Variants in COPS2 observed in about 807,000 individuals in gnomAD.
COPS2 encodes the protein COP9 signalosome complex subunit 2.
Under a neutral mutation model 66.1 loss-of-function variants are expected in COPS2, and 10 were observed. That is an observed-to-expected ratio of 0.15 (90% CI 0.09 to 0.26). The LOEUF is 0.26. Ranked by LOEUF, COPS2 falls within the 10% of genes least tolerant of loss-of-function variation. The probability of loss-of-function intolerance (pLI) is 1.00; values close to 1 mark genes in which losing one functional copy is unlikely to be tolerated. For synonymous variants in COPS2, 179 were observed against 171.3 expected (o/e 1.04, Z -0.35); for missense variants, 215 against 513.3 (o/e 0.42, Z 5.62).
intron 3 of COPS2, 61 bp from the exon 4 acceptor site, chr15:49,139,714 G>A: frequency 7.8e-7 from 1 of 1,278,172 alleles, no homozygotes; most frequent in Non-Finnish European, 1.1e-6. Flanking sequence ...ATGTACACAT[G>A]ATTAAGGTTA....
intron 4 of COPS2, chr15:49,137,907 T>C (rs2084265178): frequency 1.3e-5 from 2 of 155,856 alleles, no homozygotes; most frequent in Non-Finnish European, 2.8e-5. Flanking sequence ...TACATAGAAC[T>C]AGTTGTATTA....
chr15:49,137,075 A>G (rs2084258280), intron 6 of COPS2, 75 bp downstream of exon 6: 6 of 886,204 alleles, frequency 6.8e-6, no homozygotes, highest in Non-Finnish European at 1.0e-5. Flanking sequence ...CCTAAACAAT[A>G]TTTTGAATAT....
At chr15:49,154,158 TG>T (rs1302976640) in intron 1 of COPS2, among the ~76,000 whole-genome samples, 1 of 151,984 alleles carries the variant, frequency 6.6e-6, no homozygotes, top group Non-Finnish European at 1.5e-5. Context: ...CAAAATACTA[TG>T]AATCAATTAA....
intron 4 of COPS2, among the ~76,000 whole-genome samples, chr15:49,138,529 T>C (rs1218022199): frequency 2.0e-5 from 3 of 152,200 alleles, no homozygotes; most frequent in Non-Finnish European, 1.5e-5. Context: ...ACAAAATATG[T>C]TTTGATGACA....
intron 9 of COPS2, among the ~76,000 whole-genome samples, chr15:49,131,599 A>G (rs955210091): frequency 5.9e-5 from 9 of 152,062 alleles, no homozygotes; most frequent in African/African-American, 1.7e-4. Context: ...ATGTAACCTC[A>G]TATTAGGGGC....
chr15:49,135,070 A>T (rs185455592), intron 6 of COPS2, among the ~76,000 whole-genome samples: 2 of 152,322 alleles, frequency 1.3e-5, no homozygotes, highest in Admixed American at 1.3e-4. Context: ...ACAATAACTG[A>T]TCATAAAATA....
Position 49,124,423 on chromosome 15 carries a change from A to C in COPS2, c.*3527T>G, listed in dbSNP as rs1400845729. On this transcript the variant is annotated 3_prime_UTR_variant, in exon 13 of 13. Coordinates refer to ENST00000388901, the MANE Select transcript of COPS2 (RefSeq NM_004236.4). Reference sequence around the variant, plus strand: ...AAAAAAACCGTATCAAACAAATATAAATAGGATGCTGATTTGGGGGAAAAA... The same window carrying C: ...AAAAAAACCGTATCAAACAAATATACATAGGATGCTGATTTGGGGGAAAAA... 6.7e-6 allele frequency: 1 copy of C among 150,310 alleles called. No homozygotes were observed. The highest frequency in any genetic ancestry group is 1.5e-5 in the Non-Finnish European group (1 of 67,348). The allele number at this position is 150,310 out of a possible 1,614,324, so 9.3% of individuals were successfully genotyped here.
intron 9 of COPS2, 107 bp downstream of exon 9, chr15:49,133,652 C>A: frequency 3.0e-6 from 2 of 669,558 alleles, no homozygotes; most frequent in East Asian, 2.9e-5. Flanking sequence ...TAAGAAAATA[C>A]AAAAGGGCAA....
At chr15:49,130,960 CA>C in intron 9 of COPS2, 144 bp from the exon 10 acceptor site, 1 of 458,948 alleles carries the variant, frequency 2.2e-6, no homozygotes, top group Non-Finnish European at 3.9e-6. Context: ...CACAGTTAAA[CA>C]AGCACACATA....
At position 49,129,464 on chromosome 15, in the gene COPS2, T is replaced by C; in HGVS notation, c.1128+13A>G. 2 of 1,117,166 alleles carry C rather than the reference T, an allele frequency of 1.8e-6. No homozygotes were observed. The highest frequency in any genetic ancestry group is 2.5e-6 in the Non-Finnish European group (2 of 811,234). The allele number at this position is 1,117,166 out of a possible 1,614,324, so 69.2% of individuals were successfully genotyped here. A position where few individuals can be genotyped will look rare whatever the true frequency, so the allele number is the denominator to read the frequency against. ...AAATTATAAACATCATTAAAATCTA[T>C]GAATATAAGTACCTTAGAAATAAAA... On this transcript the variant is annotated intron_variant, in intron 11 of 12. Transcript: ENST00000388901.
Position 49,124,518 on chromosome 15 carries a change from G to A in COPS2, c.*3432C>T. 1 of 151,954 alleles carries A rather than the reference G, an allele frequency of 6.6e-6. No homozygotes were observed. Among genetic ancestry groups the A allele is most frequent in the East Asian group, 1.9e-4 (1 of 5,198 alleles). 9.4% of individuals were successfully genotyped at this position (151,954 alleles called of 1,614,324 possible). A position where few individuals can be genotyped will look rare whatever the true frequency, so the allele number is the denominator to read the frequency against. On this transcript the variant is annotated 3_prime_UTR_variant, in exon 13 of 13. Coordinates refer to ENST00000388901, the MANE Select transcript of COPS2 (RefSeq NM_004236.4). ...AAAAAAAGAGGAAAATTTTAATTGT[G>A]GTCACATAAATGAAGACCAAATGCC...
chr15:49,123,983 T>G lies in COPS2; in HGVS notation c.*3967A>C, dbSNP rs1288427652. On this transcript the variant is annotated 3_prime_UTR_variant, in exon 13 of 13. Transcript: ENST00000388901. ...TCCAAATGGCATTTAAACTCACATT[T>G]TAATGGCCCAAGAAGTTACTATAAA... 6.6e-6 allele frequency: 1 copy of G among 152,216 alleles called. No homozygotes were observed. The highest frequency in any genetic ancestry group is 2.4e-5 in the African/African-American group (1 of 41,470). The allele number at this position is 152,216 out of a possible 1,614,324, so 9.4% of individuals were successfully genotyped here. A position where few individuals can be genotyped will look rare whatever the true frequency, so the allele number is the denominator to read the frequency against.
intron 1 of COPS2, among the ~76,000 whole-genome samples, chr15:49,153,449 C>T (rs972846636): frequency 6.6e-6 from 1 of 152,026 alleles, no homozygotes; most frequent in African/African-American, 2.4e-5. Context: ...CTCTTCTACA[C>T]TTTTGATGGA....
intron 11 of COPS2, 96 bp downstream of exon 11, chr15:49,129,381 T>C: frequency 4.5e-6 from 2 of 446,446 alleles, no homozygotes; most frequent in East Asian, 3.8e-5. Flanking sequence ...TATAATAAAA[T>C]GTTACCAAGT....
intron 6 of COPS2, among the ~76,000 whole-genome samples, chr15:49,135,079 T>C (rs977805971): frequency 1.3e-5 from 2 of 152,158 alleles, no homozygotes; most frequent in Non-Finnish European, 2.9e-5. Context: ...GATCATAAAA[T>C]AGAACACATA....
chr15:49,140,534 T>C (rs1000153063), intron 3 of COPS2, among the ~76,000 whole-genome samples: 6 of 152,150 alleles, frequency 3.9e-5, no homozygotes, highest in African/African-American at 1.4e-4. Flanking sequence ...GTAGATATAG[T>C]AAATGTTGTT....
intron 7 of COPS2, 60 bp from the exon 8 acceptor site, chr15:49,134,168 C>G: frequency 2.0e-6 from 3 of 1,465,400 alleles, no homozygotes; most frequent in South Asian, 1.3e-5. Context: ...ACAAAACTGA[C>G]CACCTCATAA....
chr15:49,125,176 GAAAGA>G lies in COPS2; in HGVS notation c.*2769_*2773del. On this transcript the variant is annotated 3_prime_UTR_variant, in exon 13 of 13. Transcript: ENST00000388901. ...TAAATATTAGGTTCTCAGTTTTCCT[GAAAGA>G]TGTATCAGCCTGTAGTTAGAAGGGA... 1 of 152,130 alleles carries G rather than the reference GAAAGA, an allele frequency of 6.6e-6. No individual in the cohort carries two copies. Among genetic ancestry groups the G allele is most frequent in the South Asian group, 2.1e-4 (1 of 4,832 alleles). The allele number at this position is 152,130 out of a possible 1,614,324, so 9.4% of individuals were successfully genotyped here. A position where few individuals can be genotyped will look rare whatever the true frequency, so the allele number is the denominator to read the frequency against.
chr15:49,139,461 A>G, intron 4 of COPS2, 67 bp downstream of exon 4: 2 of 1,294,174 alleles, frequency 1.5e-6, no homozygotes, highest in Middle Eastern at 2.3e-4. Flanking sequence ...CCATCTATAA[A>G]GAACAAAGCC....
Sources: gnomAD v4.1 joint callset for allele counts (sites outside exome capture counted in the v4.1 genomes callset) on GRCh38, gnomAD v4.1.1 for gene constraint, MANE v1.5 for transcripts, NCBI Gene and HGNC (gene_info 2026-07-23, HGNC 2026-07-21) for gene names.